Variants in EYS observed in about 807,000 individuals in gnomAD.
EYS encodes protein eyes shut homolog.
Under a neutral mutation model 282.1 loss-of-function variants are expected in EYS, and 250 were observed. The observed-to-expected ratio is 0.89, with a 90% confidence interval of 0.80 to 0.98. The LOEUF (loss-of-function observed/expected upper bound fraction) is 0.98. Among genes scored for constraint, EYS ranks in the 50% least tolerant of loss-of-function variants. EYS has a pLI of 0.00. For synonymous variants in EYS, 1,355 were observed against 1,282.9 expected (o/e 1.06, Z -1.20); for missense variants, 4,016 against 3,709.0 (o/e 1.08, Z -2.15).
intron 35 of EYS, among the ~76,000 whole-genome samples, chr6:63,978,079 A>G (rs1158876326): frequency 6.6e-6 from 1 of 151,986 alleles, no homozygotes; most frequent in Non-Finnish European, 1.5e-5. Flanking sequence ...TAAAGTGGAG[A>G]CCAACAGAGT....
At chr6:65,489,831 A>T (rs1181945198) in intron 5 of EYS, 2 of 152,184 alleles carry the variant, frequency 1.3e-5, no homozygotes, top group African/African-American at 4.8e-5. Flanking sequence ...CTTTGTAGGG[A>T]CATGGATGAA....
intron 15 of EYS, among the ~76,000 whole-genome samples, chr6:64,932,184 A>G (rs1768749395): frequency 6.6e-6 from 1 of 152,024 alleles, no homozygotes; most frequent in Non-Finnish European, 1.5e-5. Context: ...CTTGAAATCC[A>G]ATATCATTGC....
intron 37 of EYS, among the ~76,000 whole-genome samples, chr6:63,800,657 T>C (rs1039646089): frequency 2.6e-5 from 4 of 151,978 alleles, no homozygotes; most frequent in Admixed American, 6.6e-5. Flanking sequence ...CAAAAAAACC[T>C]AGCTGGGCGT....
chr6:64,650,998 A>G (rs1246926098), intron 22 of EYS, among the ~76,000 whole-genome samples: 2 of 152,116 alleles, frequency 1.3e-5, no homozygotes, highest in Non-Finnish European at 2.9e-5. Context: ...CAACTCCTTA[A>G]TGAGTTATGA....
intron 30 of EYS, among the ~76,000 whole-genome samples, chr6:64,274,230 C>T (rs1033536527): frequency 2.0e-5 from 3 of 152,166 alleles, no homozygotes; most frequent in African/African-American, 4.8e-5. Context: ...TGCCTGAGTG[C>T]AGTAGTGTGA....
chr6:64,170,591 G>T (rs1764449690), intron 31 of EYS, among the ~76,000 whole-genome samples: 1 of 150,734 alleles, frequency 6.6e-6, no homozygotes, highest in Admixed American at 6.6e-5. Flanking sequence ...GTGTGTTTCT[G>T]TCTGTATCCA....
At chr6:64,019,454 A>C (rs1769069592) in intron 33 of EYS, among the ~76,000 whole-genome samples, 1 of 150,882 alleles carries the variant, frequency 6.6e-6, no homozygotes, top group Non-Finnish European at 1.5e-5. Flanking sequence ...TCTGTCTCCC[A>C]GGCTGGAGTT....
chr6:64,239,247 A>T (rs1766712640), intron 30 of EYS, among the ~76,000 whole-genome samples: 1 of 152,192 alleles, frequency 6.6e-6, no homozygotes, highest in South Asian at 2.1e-4. Flanking sequence ...AGAATGATTT[A>T]TAATACTTTG....
intron 2 of EYS, among the ~76,000 whole-genome samples, chr6:65,556,699 T>C (rs898622782): frequency 6.6e-6 from 1 of 152,182 alleles, no homozygotes; most frequent in Non-Finnish European, 1.5e-5. Flanking sequence ...TTATAAATTT[T>C]AATATCCTCA....
intron 32 of EYS, among the ~76,000 whole-genome samples, chr6:64,071,994 A>G (rs1771598496): frequency 6.6e-6 from 1 of 151,772 alleles, no homozygotes; most frequent in Non-Finnish European, 1.5e-5. Context: ...AGCCGGGGGG[A>G]CATAAAAAAT....
intron 13 of EYS, among the ~76,000 whole-genome samples, chr6:65,027,573 C>T (rs2150141922): frequency 6.6e-6 from 1 of 152,328 alleles, no homozygotes; most frequent in South Asian, 2.1e-4. Context: ...ATCCCAATCT[C>T]AACTTTCTGT....
At chr6:65,103,190 A>G (rs1394872567) in intron 12 of EYS, among the ~76,000 whole-genome samples, 2 of 151,466 alleles carry the variant, frequency 1.3e-5, no homozygotes, top group Non-Finnish European at 3.0e-5. Context: ...TCAGATACAC[A>G]TTAAAGGTCA....
intron 2 of EYS, among the ~76,000 whole-genome samples, chr6:65,635,311 G>T (rs1008016353): frequency 6.6e-6 from 1 of 152,118 alleles, no homozygotes; most frequent in Admixed American, 6.5e-5. Flanking sequence ...GTGCTATGGA[G>T]CCCAAAGCAG....
intron 12 of EYS, among the ~76,000 whole-genome samples, chr6:65,253,955 A>T (rs1767394118): frequency 6.6e-6 from 1 of 151,824 alleles, no homozygotes; most frequent in African/African-American, 2.4e-5. Context: ...TCTCATTGAA[A>T]ATATTAAGAG....
At chr6:65,475,349 C>T (rs907463094) in intron 5 of EYS, among the ~76,000 whole-genome samples, 2 of 151,942 alleles carry the variant, frequency 1.3e-5, no homozygotes, top group Non-Finnish European at 2.9e-5. Flanking sequence ...ATAATAGGTA[C>T]ATTGAATCTT....
Position 64,714,179 on chromosome 6 carries a change from C to G in EYS, c.3444-87934G>C, listed in dbSNP as rs372215731. ...AAAGATTCAAGAAATGTTTGATAGA[C>G]AATGACAAGTAAATTATTGCATGTA... On this transcript the variant is annotated intron_variant, in intron 22 of 42. Transcript: ENST00000503581. Among the ~76,000 whole-genome samples, 83 of 152,208 alleles carry G rather than the reference C, an allele frequency of 5.5e-4. No individual in the cohort carries two copies. In the South Asian group the frequency reaches 0.017, roughly 32 times the overall value.
chr6:64,243,270 C>G (rs1766897564), intron 30 of EYS, among the ~76,000 whole-genome samples: 1 of 151,974 alleles, frequency 6.6e-6, no homozygotes, highest in Non-Finnish European at 1.5e-5. Flanking sequence ...ACTTAGTTTT[C>G]TTTCTTTATT....
chr6:65,422,229 G>A (rs1767493058), intron 5 of EYS, among the ~76,000 whole-genome samples: 1 of 151,906 alleles, frequency 6.6e-6, no homozygotes, highest in East Asian at 1.9e-4. Context: ...TCTATACTGA[G>A]TAGCACATTT....
chr6:65,222,647 C>A (rs1216627418), intron 12 of EYS, among the ~76,000 whole-genome samples: 1 of 152,132 alleles, frequency 6.6e-6, no homozygotes, highest in African/African-American at 2.4e-5. Flanking sequence ...GAAATATAAC[C>A]ATGAAAGTTT....
Sources: allele counts gnomAD v4.1 joint callset (sites outside exome capture counted in the v4.1 genomes callset), GRCh38; gene constraint gnomAD v4.1.1; transcripts MANE v1.5; gene names NCBI Gene and HGNC (gene_info 2026-07-23, HGNC 2026-07-21).